ARHGAP42: variants seen among roughly 807,000 people sequenced by gnomAD.
ARHGAP42 encodes the protein Rho GTPase activating protein 42, also known as rho GTPase-activating protein 42.
A neutral mutation model predicts 125.0 loss-of-function variants in ARHGAP42; 63 were observed. The observed-to-expected ratio is 0.50, with a 90% CI of 0.41 to 0.62. ARHGAP42 has a LOEUF of 0.62. Among genes scored for constraint, ARHGAP42 ranks in the 20% least tolerant of loss-of-function variants. The pLI is 0.00. For missense variants in ARHGAP42, 766 were observed against 1,024.2 expected (o/e 0.75, Z 3.44); for synonymous variants, 339 against 351.0 (o/e 0.97, Z 0.38).
intron 1 of ARHGAP42, among the ~76,000 whole-genome samples, chr11:100,700,105 T>C (rs1861371646): frequency 6.6e-6 from 1 of 152,344 alleles, no homozygotes; most frequent in East Asian, 1.9e-4. Flanking sequence ...CACAATACAG[T>C]GAGTCATGTA....
chr11:100,926,645 T>G (rs1867433570), intron 6 of ARHGAP42, among the ~76,000 whole-genome samples: 1 of 152,194 alleles, frequency 6.6e-6, no homozygotes, highest in South Asian at 2.1e-4. Flanking sequence ...CAGGTTTTTA[T>G]CTGTATGTTG....
intron 2 of ARHGAP42, among the ~76,000 whole-genome samples, chr11:100,778,665 C>G (rs916248831): frequency 1.1e-4 from 17 of 151,778 alleles, no homozygotes; most frequent in African/African-American, 4.1e-4. Context: ...TGGTGTTCCT[C>G]TCTTAAAAAA....
chr11:100,881,742 T>A (rs1453565182), intron 4 of ARHGAP42, among the ~76,000 whole-genome samples: 1 of 152,232 alleles, frequency 6.6e-6, no homozygotes, highest in African/African-American at 2.4e-5. Flanking sequence ...TTGTGTTGTC[T>A]ATGATTTCTT....
chr11:100,861,718 G>A lies in ARHGAP42; in HGVS notation c.384+2093G>A, dbSNP rs140113682. Among the ~76,000 whole-genome samples the A allele has an allele frequency of 6.1e-3, 933 of 152,314 alleles. 9 individuals are homozygous for A. Among genetic ancestry groups the A allele is most frequent in the African/African-American group, 0.021 (886 of 41,566 alleles). On this transcript the variant is annotated intron_variant, in intron 4 of 23. Coordinates refer to ENST00000298815, the MANE Select transcript of ARHGAP42 (RefSeq NM_152432.4). ...ACCTACTGATATAGGCCACATTTAT[G>A]TTGGATGACAATGATGGTAAGTTGA...
intron 3 of ARHGAP42, among the ~76,000 whole-genome samples, chr11:100,856,940 C>T (rs184911830): frequency 6.6e-6 from 1 of 151,920 alleles, no homozygotes; most frequent in Non-Finnish European, 1.5e-5. Flanking sequence ...AGTTTTGGCA[C>T]TTAGATTCAA....
At chr11:100,749,499 G>T (rs536691341) in intron 1 of ARHGAP42, among the ~76,000 whole-genome samples, 1 of 148,926 alleles carries the variant, frequency 6.7e-6, no homozygotes, top group African/African-American at 2.5e-5. Flanking sequence ...GCCCCGGAAG[G>T]CTCAACCCCT....
At chr11:100,760,706 GA>G (rs1270419310) in intron 1 of ARHGAP42, among the ~76,000 whole-genome samples, 7 of 139,912 alleles carry the variant, frequency 5.0e-5, no homozygotes, top group Admixed American at 2.9e-4. Flanking sequence ...GTCTCAAAAA[GA>G]AAAAAAAAAG....
intron 1 of ARHGAP42, among the ~76,000 whole-genome samples, chr11:100,761,731 A>G (rs1280773061): frequency 6.6e-6 from 1 of 152,212 alleles, no homozygotes; most frequent in African/African-American, 2.4e-5. Flanking sequence ...TAATACCCAG[A>G]TTAAATATGT....
intron 12 of ARHGAP42, among the ~76,000 whole-genome samples, chr11:100,955,917 G>T (rs1248466974): frequency 6.6e-6 from 1 of 152,078 alleles, no homozygotes; most frequent in African/African-American, 2.4e-5. Flanking sequence ...TGGAAAACTG[G>T]TCATTTTCCA....
At chr11:100,761,920 G>A (rs184574046) in intron 1 of ARHGAP42, among the ~76,000 whole-genome samples, 5 of 152,204 alleles carry the variant, frequency 3.3e-5, no homozygotes, top group Non-Finnish European at 7.4e-5. Flanking sequence ...TCTTCCTTTT[G>A]CACATGAGGA....
intron 2 of ARHGAP42, among the ~76,000 whole-genome samples, chr11:100,792,941 A>G (rs1003059092): frequency 9.2e-5 from 14 of 151,932 alleles, no homozygotes; most frequent in African/African-American, 3.1e-4. Context: ...TTTTTAGTAG[A>G]GGTGGGGTTT....
chr11:100,851,213 G>A (rs1260141075), intron 3 of ARHGAP42, among the ~76,000 whole-genome samples: 4 of 152,094 alleles, frequency 2.6e-5, no homozygotes, highest in African/African-American at 7.2e-5. Flanking sequence ...GTGCTAGACT[G>A]TGAAAGATTC....
chr11:100,969,072 G>T (rs1307694053), intron 17 of ARHGAP42, among the ~76,000 whole-genome samples: 2 of 151,886 alleles, frequency 1.3e-5, no homozygotes, highest in Non-Finnish European at 2.9e-5. Context: ...CTCAATTTTT[G>T]TTTTCCTGAA....
chr11:100,964,915 G>A (rs998921383), intron 16 of ARHGAP42, among the ~76,000 whole-genome samples: 11 of 152,114 alleles, frequency 7.2e-5, no homozygotes, highest in Non-Finnish European at 1.2e-4. Flanking sequence ...CTCTCTGTGG[G>A]TGTATTGCCA....
intron 12 of ARHGAP42, among the ~76,000 whole-genome samples, chr11:100,958,749 T>C (rs1309352873): frequency 3.3e-5 from 5 of 152,010 alleles, no homozygotes; most frequent in African/African-American, 1.2e-4. Context: ...TCCTGTCGAT[T>C]ACTTTTGTCA....
At position 100,981,096 on chromosome 11, in the gene ARHGAP42, A is replaced by T. The variant is rs184363214; in HGVS notation, c.2456+2047A>T. 1.6e-4 allele frequency among the ~76,000 whole-genome samples: 24 copies of T among 152,234 alleles called. 1 individual carries two copies. The East Asian group carries it at 4.3e-3, about 27-fold the overall frequency. On this transcript the variant is annotated intron_variant, in intron 22 of 23. Transcript: ENST00000298815. Reference sequence around the variant, plus strand: ...TCAAATTTTTAGGTCACCACTTTCTAGTTCGTGTAACCTCAGAGTTACCAA... The same window carrying T: ...TCAAATTTTTAGGTCACCACTTTCTTGTTCGTGTAACCTCAGAGTTACCAA...
At chr11:100,708,493 GAC>G (rs1165145006) in intron 1 of ARHGAP42, among the ~76,000 whole-genome samples, 3 of 152,088 alleles carry the variant, frequency 2.0e-5, no homozygotes, top group Non-Finnish European at 4.4e-5. Flanking sequence ...TAGCTTGAGT[GAC>G]AGAGTGAGAC....
chr11:100,728,765 T>C, intron 1 of ARHGAP42, among the ~76,000 whole-genome samples: 2 of 144,114 alleles, frequency 1.4e-5, no homozygotes, highest in Admixed American at 6.9e-5. Flanking sequence ...TATGCACACT[T>C]TTCTTTTTTA....
At chr11:100,948,732 A>G (rs1868092325) in intron 11 of ARHGAP42, among the ~76,000 whole-genome samples, 197 bp downstream of exon 11, 1 of 152,114 alleles carries the variant, frequency 6.6e-6, no homozygotes. Flanking sequence ...GACTTATTTT[A>G]TAAGGGGACT....
Sources: allele counts gnomAD v4.1 joint callset (sites outside exome capture counted in the v4.1 genomes callset), GRCh38; gene constraint gnomAD v4.1.1; transcripts MANE v1.5; gene names NCBI Gene and HGNC (gene_info 2026-07-23, HGNC 2026-07-21).